The following CDC42BPA variants were observed in gnomAD, a reference collection of about 807,000 sequenced individuals.
CDC42BPA encodes the protein CDC42 binding protein kinase alpha.
In CDC42BPA, 80 loss-of-function variants were observed where a neutral mutation model predicts 223.5. The observed-to-expected ratio is 0.36, with a 90% CI of 0.30 to 0.43. The LOEUF (loss-of-function observed/expected upper bound fraction) is 0.43, where lower values mean the gene tolerates loss of function less well. Among genes scored for constraint, CDC42BPA ranks in the 20% least tolerant of loss-of-function variants. The pLI, the probability that CDC42BPA is intolerant of heterozygous loss-of-function variation, is 1.00. For synonymous variants in CDC42BPA, 694 were observed against 718.6 expected, an observed-to-expected ratio of 0.97 and a Z score of 0.55; for missense variants, 1,743 against 2,099.9, an observed-to-expected ratio of 0.83 and a Z score of 3.32.
At chr1:227,266,029 T>C (rs2148415950) in intron 1 of CDC42BPA, among the ~76,000 whole-genome samples, 1 of 152,334 alleles carries the variant, frequency 6.6e-6, no homozygotes, top group East Asian at 1.9e-4. Context: ...ATGAATATCG[T>C]ATGTGGCAGA....
chr1:227,229,791 C>A (rs114607283), intron 2 of CDC42BPA, among the ~76,000 whole-genome samples: 1,637 of 152,258 alleles, frequency 0.011, 33 homozygotes, highest in African/African-American at 0.037. Flanking sequence ...TTATCTTCAA[C>A]TTCTATCATT....
intron 16 of CDC42BPA, among the ~76,000 whole-genome samples, chr1:227,086,101 T>C (rs1395686777): frequency 1.3e-4 from 20 of 151,004 alleles, no homozygotes; most frequent in African/African-American, 4.1e-4. Context: ...GTCTTTTGTA[T>C]TGGACTTCTT....
chr1:227,275,142 G>A (rs1686698747), intron 1 of CDC42BPA, among the ~76,000 whole-genome samples: 2 of 151,948 alleles, frequency 1.3e-5, no homozygotes, highest in African/African-American at 4.8e-5. Flanking sequence ...ACTGGAGTAT[G>A]ATACAAATAA....
chr1:227,138,200 T>A (rs943460445), intron 10 of CDC42BPA, among the ~76,000 whole-genome samples: 1 of 152,078 alleles, frequency 6.6e-6, no homozygotes, highest in Admixed American at 6.5e-5. Flanking sequence ...AAAACTTTGA[T>A]TAGTTACAAA....
intron 15 of CDC42BPA, among the ~76,000 whole-genome samples, chr1:227,094,472 A>T (rs939507090): frequency 1.3e-5 from 2 of 152,216 alleles, no homozygotes; most frequent in African/African-American, 4.8e-5. Flanking sequence ...GTATCAGCCC[A>T]GCCCTTGCCT....
At chr1:227,060,030 G>GTTT (rs66527313) in intron 21 of CDC42BPA, among the ~76,000 whole-genome samples, 3,220 of 117,602 alleles carry the variant, frequency 0.027, 180 homozygotes, top group Middle Eastern at 0.055. Flanking sequence ...GTTTTTTTTT[G>GTTT]TTTTTTTTTT....
At chr1:227,003,624 T>C (rs1663366189) in intron 35 of CDC42BPA, among the ~76,000 whole-genome samples, 1 of 152,200 alleles carries the variant, frequency 6.6e-6, no homozygotes, top group Admixed American at 6.5e-5. Flanking sequence ...AAGTAGCCTT[T>C]AGCATCTTTG....
intron 5 of CDC42BPA, among the ~76,000 whole-genome samples, chr1:227,180,809 G>T (rs1317933336): frequency 1.3e-5 from 2 of 151,976 alleles, no homozygotes; most frequent in African/African-American, 4.8e-5. Context: ...GTTCTAGTAG[G>T]ATTCTGTGTC....
At chr1:227,210,804 C>G (rs1254583617) in intron 3 of CDC42BPA, among the ~76,000 whole-genome samples, 2 of 152,284 alleles carry the variant, frequency 1.3e-5, no homozygotes, top group South Asian at 2.1e-4. Flanking sequence ...CTGATGCTGT[C>G]ACACCTTCAG....
intron 16 of CDC42BPA, among the ~76,000 whole-genome samples, chr1:227,084,539 A>C (rs1041285742): frequency 6.6e-6 from 1 of 151,714 alleles, no homozygotes; most frequent in Admixed American, 6.6e-5. Context: ...AAAAAAAAAA[A>C]AAAAAATTTT....
At chr1:227,153,235 G>GA (rs34205024) in intron 6 of CDC42BPA, among the ~76,000 whole-genome samples, 82,236 of 150,264 alleles carry the variant, frequency 0.55, 22,689 homozygotes, top group South Asian at 0.68. Flanking sequence ...CCAAAAGTTA[G>GA]AAAAAAAAAG....
chr1:227,294,526 A>G (rs2148677744), intron 1 of CDC42BPA, among the ~76,000 whole-genome samples: 2 of 152,216 alleles, frequency 1.3e-5, no homozygotes, highest in South Asian at 4.2e-4. Flanking sequence ...AGCATGTGTA[A>G]TAACTATTCC....
intron 21 of CDC42BPA, among the ~76,000 whole-genome samples, chr1:227,059,199 A>C (rs537809369): frequency 7.9e-5 from 12 of 152,238 alleles, no homozygotes; most frequent in African/African-American, 2.6e-4. Context: ...CAAAAAAAAA[A>C]CATAAACAAA....
chr1:227,227,070 T>C (rs1572486630), intron 2 of CDC42BPA, among the ~76,000 whole-genome samples: 1 of 152,022 alleles, frequency 6.6e-6, no homozygotes, highest in Non-Finnish European at 1.5e-5. Flanking sequence ...GAAGACACAA[T>C]TGCATAACTA....
chr1:227,129,717 A>ATATATATATATATATATATAT (rs1656668947), intron 10 of CDC42BPA, among the ~76,000 whole-genome samples: 1 of 146,482 alleles, frequency 6.8e-6, no homozygotes, highest in African/African-American at 2.6e-5. Flanking sequence ...ATATATATAC[A>ATATATATATATATATATATAT]AAAGAATCCA....
chr1:227,000,175 A>G (rs1289782033), intron 35 of CDC42BPA, among the ~76,000 whole-genome samples: 1 of 151,872 alleles, frequency 6.6e-6, no homozygotes, highest in Admixed American at 6.6e-5. Flanking sequence ...CGGACTGAGA[A>G]TCACTGACAA....
At chr1:227,135,262 T>C (rs913586276) in intron 10 of CDC42BPA, among the ~76,000 whole-genome samples, 3 of 152,200 alleles carry the variant, frequency 2.0e-5, no homozygotes, top group African/African-American at 4.8e-5. Flanking sequence ...TATATTTTAA[T>C]TGATGTACTT....
chr1:227,239,043 G>T lies in CDC42BPA; in HGVS notation c.270+15021C>A, dbSNP rs140514989. 2.4e-3 allele frequency among the ~76,000 whole-genome samples: 363 copies of T among 152,222 alleles called. 1 individual carries two copies. Among genetic ancestry groups the T allele is most frequent in the Non-Finnish European group, 4.7e-3 (321 of 68,006 alleles). ...AAAAACATTCTTTTCAAGTGTACATGGAATGTTCAATGCACACAGTGTATC... is the reference window on the plus strand; with the variant it reads ...AAAAACATTCTTTTCAAGTGTACATTGAATGTTCAATGCACACAGTGTATC... On this transcript the variant is annotated intron_variant, in intron 2 of 36. Coordinates refer to ENST00000366766, the MANE Select transcript of CDC42BPA (RefSeq NM_001394014.1).
intron 6 of CDC42BPA, among the ~76,000 whole-genome samples, chr1:227,159,437 G>A (rs1663443594): frequency 6.6e-6 from 1 of 152,020 alleles, no homozygotes. Context: ...AGTGAGCTAA[G>A]ATGGCGCCTC....
Sources: allele counts gnomAD v4.1 joint callset (sites outside exome capture counted in the v4.1 genomes callset), GRCh38; gene constraint gnomAD v4.1.1; transcripts MANE v1.5; gene names NCBI Gene and HGNC (gene_info 2026-07-23, HGNC 2026-07-21).